FAF1: variants seen among roughly 807,000 people sequenced by gnomAD.
The protein encoded by FAF1 is Fas associated factor 1, also known as FAS-associated factor 1.
In FAF1, 25 loss-of-function variants were observed where a neutral mutation model predicts 92.5. The observed-to-expected ratio is 0.27, with a 90% CI of 0.20 to 0.38. FAF1 has a LOEUF of 0.38. Ranked by LOEUF, FAF1 falls within the 10% of genes least tolerant of loss-of-function variation. FAF1 has a pLI of 1.00. For missense variants in FAF1, 636 were observed against 793.3 expected, an observed-to-expected ratio of 0.80 and a Z score of 2.38; for synonymous variants, 234 against 273.2, an observed-to-expected ratio of 0.86 and a Z score of 1.42.
intron 1 of FAF1, among the ~76,000 whole-genome samples, chr1:50,917,624 A>AAAAGGAAAGG (rs149219997): frequency 0.057 from 4,090 of 72,166 alleles, 219 homozygotes; most frequent in Middle Eastern, 0.092. Context: ...AGGGAAAGGA[A>AAAAGGAAAGG]AAAGGAAAGG....
chr1:50,449,054 A>G (rs180788775), intron 18 of FAF1, among the ~76,000 whole-genome samples: 94 of 152,270 alleles, frequency 6.2e-4, no homozygotes, highest in Admixed American at 2.3e-3. Context: ...TAAAGCCACA[A>G]CAAAGATTAT....
chr1:50,453,707 A>G (rs1413809775), intron 18 of FAF1, among the ~76,000 whole-genome samples: 1 of 152,226 alleles, frequency 6.6e-6, no homozygotes, highest in Non-Finnish European at 1.5e-5. Flanking sequence ...CCTGGGCTTA[A>G]GCAAAAGCAC....
chr1:50,591,627 C>T (rs1406455991), intron 9 of FAF1, among the ~76,000 whole-genome samples: 2 of 145,118 alleles, frequency 1.4e-5, no homozygotes, highest in Admixed American at 7.2e-5. Flanking sequence ...GAGCCGAGAT[C>T]GCACCACTGC....
intron 3 of FAF1, among the ~76,000 whole-genome samples, chr1:50,788,667 A>G (rs1172420259): frequency 6.6e-6 from 1 of 152,166 alleles, no homozygotes; most frequent in Non-Finnish European, 1.5e-5. Context: ...GTTAAAAGGT[A>G]TCTTTTTCCA....
chr1:50,713,329 A>C (rs1473582378), intron 6 of FAF1, among the ~76,000 whole-genome samples: 3 of 151,666 alleles, frequency 2.0e-5, no homozygotes, highest in Non-Finnish European at 2.9e-5. Context: ...GCTGGAGTGC[A>C]GTGGCACGAT....
At chr1:50,490,113 A>G (rs925543736) in intron 17 of FAF1, among the ~76,000 whole-genome samples, 1 of 152,200 alleles carries the variant, frequency 6.6e-6, no homozygotes, top group Admixed American at 6.5e-5. Flanking sequence ...TAATGCCAGC[A>G]CTTTGGAAGG....
At chr1:50,885,960 G>A (rs1016356623) in intron 1 of FAF1, among the ~76,000 whole-genome samples, 1 of 151,994 alleles carries the variant, frequency 6.6e-6, no homozygotes, top group South Asian at 2.1e-4. Flanking sequence ...AAAAAAAGAA[G>A]CAAAAAGAAA....
intron 17 of FAF1, among the ~76,000 whole-genome samples, chr1:50,479,598 T>C (rs750781582): frequency 1.6e-4 from 24 of 152,248 alleles, no homozygotes; most frequent in Non-Finnish European, 3.1e-4. Context: ...TCTCCTTTTC[T>C]CCCTTTAATC....
chr1:50,887,461 G>C (rs568232511), intron 1 of FAF1, among the ~76,000 whole-genome samples: 1 of 152,094 alleles, frequency 6.6e-6, no homozygotes, highest in African/African-American at 2.4e-5. Context: ...CATGCCTATA[G>C]CCTGAATGGT....
intron 15 of FAF1, among the ~76,000 whole-genome samples, chr1:50,509,661 C>T (rs1202061557): frequency 1.3e-5 from 2 of 151,898 alleles, no homozygotes; most frequent in African/African-American, 4.8e-5. Flanking sequence ...ATATGGGCTT[C>T]CTGGAGTACT....
rs1405343731 is a variant in FAF1 at position 50,491,766 on chromosome 1, C to G, written c.1530G>C (p.Glu510Asp). The change falls in exon 16 of 19, where the codon GAG becomes GAC. Residue 510 changes from glutamate to aspartate, a missense_variant. Around this residue, in one of 2 missense-constraint regions of FAF1, gnomAD observed 319 missense variants for 451.0 expected, o/e 0.71. Coordinates refer to ENST00000396153, the MANE Select transcript of FAF1 (RefSeq NM_007051.3). ...GTGAAAGGCGATAGGCCTCATCTTG[C>G]TCTCTCTTCACATTTTCTCTGGCTT... The part of the protein sequence containing the change: ...EREARENVKR[E>D]QDEAYRLSLE... The G allele has an allele frequency of 3.1e-6, 5 of 1,613,052 alleles. No individual in the cohort carries two copies. Among genetic ancestry groups the G allele is most frequent in the Non-Finnish European group, 4.2e-6 (5 of 1,179,640 alleles).
chr1:50,475,619 G>T lies in FAF1; in HGVS notation c.1714C>A (p.Pro572Thr), dbSNP rs768942876. The stretch of plus-strand genomic sequence containing the variant: ...GTCCGGATCCGCAGTTTGCTCACAG[G>T]CTCAGCATTTTCTTCCTTTGGCTCA... ...PPEPKEENAE[P>T]VSKLRIRTPS... The change falls in exon 18 of 19, where the codon CCT (proline) becomes ACT (threonine). Residue 572 changes from proline to threonine, a missense_variant. Around this residue, in one of 2 missense-constraint regions of FAF1, gnomAD observed 319 missense variants for 451.0 expected, o/e 0.71. Coordinates refer to ENST00000396153, the MANE Select transcript of FAF1 (RefSeq NM_007051.3). The T allele has an allele frequency of 1.9e-6, 3 of 1,614,094 alleles. No homozygotes were observed. The East Asian group carries it at 6.7e-5, about 36-fold the overall frequency.
At chr1:50,666,904 C>A (rs1557464611) in intron 7 of FAF1, among the ~76,000 whole-genome samples, 1 of 152,136 alleles carries the variant, frequency 6.6e-6, no homozygotes, top group Non-Finnish European at 1.5e-5. Flanking sequence ...ACAACAACAA[C>A]AAAAACTAGT....
intron 1 of FAF1, among the ~76,000 whole-genome samples, chr1:50,872,624 C>T (rs1394574338): frequency 7.9e-5 from 12 of 152,208 alleles, no homozygotes; most frequent in African/African-American, 2.2e-4. Context: ...AGGCTGGGCG[C>T]GGTGGCTCAT....
chr1:50,680,708 T>C (rs1337074878), intron 7 of FAF1, among the ~76,000 whole-genome samples: 1 of 150,588 alleles, frequency 6.6e-6, no homozygotes, highest in East Asian at 1.9e-4. Context: ...AGAAAGAAAA[T>C]CCATCACAGA....
intron 18 of FAF1, among the ~76,000 whole-genome samples, chr1:50,448,576 T>C (rs1486892377): frequency 6.6e-6 from 1 of 152,186 alleles, no homozygotes; most frequent in African/African-American, 2.4e-5. Context: ...TCCTTTTCCT[T>C]TTCTGGAACC....
chr1:50,770,064 A>G (rs1660724029), intron 4 of FAF1, among the ~76,000 whole-genome samples: 1 of 152,134 alleles, frequency 6.6e-6, no homozygotes, highest in Non-Finnish European at 1.5e-5. Context: ...AAAACAAACA[A>G]AAAACCTTCA....
chr1:50,525,041 A>G (rs1014599577), intron 15 of FAF1, among the ~76,000 whole-genome samples: 1 of 152,072 alleles, frequency 6.6e-6, no homozygotes, highest in Admixed American at 6.6e-5. Context: ...ACCTGCTACC[A>G]TGCCTGGCTA....
intron 8 of FAF1, among the ~76,000 whole-genome samples, chr1:50,598,988 C>G (rs1557428002): frequency 6.6e-6 from 1 of 151,980 alleles, no homozygotes; most frequent in African/African-American, 2.4e-5. Context: ...AAAGAACATA[C>G]TATGTGATTC....
Sources: allele counts gnomAD v4.1 joint callset (sites outside exome capture counted in the v4.1 genomes callset), GRCh38; gene constraint gnomAD v4.1.1; regional missense constraint gnomAD v4.1.1; transcripts MANE v1.5; gene names NCBI Gene and HGNC (gene_info 2026-07-23, HGNC 2026-07-21).